CD2AP: variants seen among roughly 807,000 people sequenced by gnomAD.
CD2AP encodes the protein CD2 associated protein.
CD2AP carries 46 observed loss-of-function variants against 85.1 expected under a neutral mutation model. The observed-to-expected ratio is 0.54, with a 90% confidence interval of 0.43 to 0.69. The LOEUF is 0.69. CD2AP is among the 30% of genes least tolerant of loss of function. The pLI, the probability that CD2AP is intolerant of heterozygous loss-of-function variation, is 0.00. For missense variants in CD2AP, 769 were observed against 729.5 expected, an observed-to-expected ratio of 1.05 and a Z score of -0.62; for synonymous variants, 255 against 252.9, an observed-to-expected ratio of 1.01 and a Z score of -0.08.
chr6:47,589,080 A>T (rs1768705546), intron 11 of CD2AP, among the ~76,000 whole-genome samples: 2 of 152,200 alleles, frequency 1.3e-5, no homozygotes, highest in East Asian at 1.9e-4. Flanking sequence ...GACTAATGAG[A>T]TACTAATGAT....
At chr6:47,589,839 A>G (rs1768744716) in intron 11 of CD2AP, among the ~76,000 whole-genome samples, 1 of 152,046 alleles carries the variant, frequency 6.6e-6, no homozygotes. Context: ...GTTTTGATTT[A>G]GTTCCTAAAG....
At chr6:47,500,799 T>G (rs1765978608) in intron 1 of CD2AP, among the ~76,000 whole-genome samples, 1 of 151,626 alleles carries the variant, frequency 6.6e-6, no homozygotes. Flanking sequence ...CAGGCTGGTG[T>G]GCAGTGGCAC....
At chr6:47,489,141 C>T (rs1342913891) in intron 1 of CD2AP, 1 of 146,192 alleles carries the variant, frequency 6.8e-6, no homozygotes, top group Non-Finnish European at 1.5e-5. Context: ...CTCTTCCCTG[C>T]TTTTCATTAC....
chr6:47,589,379 T>TATACACACACACACACACACATACAC (rs144886557), intron 11 of CD2AP, among the ~76,000 whole-genome samples: 1 of 139,384 alleles, frequency 7.2e-6, no homozygotes, highest in Non-Finnish European at 1.6e-5. Flanking sequence ...CTCTTGAATA[T>TATACACACACACACACACACATACAC]ACACACACAC....
At chr6:47,484,448 T>A (rs1469824900) in intron 1 of CD2AP, among the ~76,000 whole-genome samples, 1 of 152,180 alleles carries the variant, frequency 6.6e-6, no homozygotes, top group Non-Finnish European at 1.5e-5. Flanking sequence ...TGAACCCTAT[T>A]TGATTTACTG....
intron 17 of CD2AP, among the ~76,000 whole-genome samples, chr6:47,613,506 T>A (rs1769501024): frequency 7.2e-6 from 1 of 139,542 alleles, no homozygotes; most frequent in South Asian, 2.2e-4. Context: ...TTAAAAATAA[T>A]CCTTTTTTTT....
At chr6:47,503,174 T>G in intron 1 of CD2AP, 106 bp from the exon 2 acceptor site, 2 of 1,083,784 alleles carry the variant, frequency 1.8e-6, no homozygotes, top group Non-Finnish European at 2.7e-6. Context: ...CTTTGTGGTA[T>G]TAAATATTGT....
At chr6:47,610,336 A>G (rs1769396525) in intron 16 of CD2AP, among the ~76,000 whole-genome samples, 1 of 152,204 alleles carries the variant, frequency 6.6e-6, no homozygotes, top group South Asian at 2.1e-4. Flanking sequence ...TCTAATTGAA[A>G]TGAGAGTGAG....
rs76704002 is a variant in CD2AP, at chr6:47,559,257, A to ATT, written c.541+4508_541+4509dup. 2.3e-4 allele frequency among the ~76,000 whole-genome samples: 30 copies of ATT among 130,620 alleles called. No homozygotes were observed. The East Asian group carries it at 3.1e-3, about 14-fold the overall frequency. 85.7% of individuals were successfully genotyped at this position (130,620 alleles called of 152,430 possible). A position where few individuals can be genotyped will look rare whatever the true frequency, so the allele number is the denominator to read the frequency against. On this transcript the variant is annotated intron_variant, in intron 5 of 17. Transcript: ENST00000359314. ...GCTAACGGTCTCTCTGTTTCGTGCA[A>ATT]TTTTTTTTTTTTTTTTTTAACAGGC...
At chr6:47,542,116 A>G (rs977195566) in intron 3 of CD2AP, among the ~76,000 whole-genome samples, 14 of 152,012 alleles carry the variant, frequency 9.2e-5, no homozygotes, top group African/African-American at 3.4e-4. Flanking sequence ...TCCAGTTCAA[A>G]CCTGTCCTTT....
intron 1 of CD2AP, among the ~76,000 whole-genome samples, chr6:47,500,829 C>T (rs964151971): frequency 6.6e-6 from 1 of 152,000 alleles, no homozygotes; most frequent in African/African-American, 2.4e-5. Flanking sequence ...TCACTGCAAC[C>T]TCCGCCTCCC....
intron 17 of CD2AP, among the ~76,000 whole-genome samples, chr6:47,622,775 C>A (rs558231176): frequency 6.6e-6 from 1 of 152,138 alleles, no homozygotes; most frequent in Non-Finnish European, 1.5e-5. Flanking sequence ...TTCTTGCAGT[C>A]GGTCTGGAGT....
intron 3 of CD2AP, among the ~76,000 whole-genome samples, chr6:47,544,110 TGA>T (rs67196948): frequency 0.32 from 48,195 of 152,040 alleles, 8,679 homozygotes; most frequent in Middle Eastern, 0.52. Flanking sequence ...TTCAAATAAA[TGA>T]GTTTCATTTT....
intron 2 of CD2AP, among the ~76,000 whole-genome samples, chr6:47,520,122 G>T (rs1766546299): frequency 6.6e-6 from 1 of 151,796 alleles, no homozygotes; most frequent in African/African-American, 2.4e-5. Context: ...CTTTGGAATG[G>T]AAAAAAGGTA....
intron 1 of CD2AP, among the ~76,000 whole-genome samples, chr6:47,497,909 A>G (rs185361277): frequency 5.9e-5 from 9 of 152,284 alleles, no homozygotes; most frequent in Middle Eastern, 6.8e-3. Context: ...CGTTTAGTAT[A>G]GACTGTTTGT....
chr6:47,515,818 G>C (rs1474302815), intron 2 of CD2AP, among the ~76,000 whole-genome samples: 2 of 151,462 alleles, frequency 1.3e-5, no homozygotes, highest in African/African-American at 2.4e-5. Context: ...AAATCAAACT[G>C]TTTCTCAAAT....
chr6:47,559,191 C>G (rs754887917), intron 5 of CD2AP, among the ~76,000 whole-genome samples: 4 of 151,138 alleles, frequency 2.6e-5, no homozygotes, highest in Non-Finnish European at 2.9e-5. Context: ...CATTTTTTAT[C>G]CATGTCTATT....
At chr6:47,618,803 A>C (rs916534467) in intron 17 of CD2AP, among the ~76,000 whole-genome samples, 1 of 152,184 alleles carries the variant, frequency 6.6e-6, no homozygotes, top group Non-Finnish European at 1.5e-5. Flanking sequence ...TTTTTCTAGC[A>C]AAGTGAGCTG....
intron 8 of CD2AP, among the ~76,000 whole-genome samples, chr6:47,577,742 C>T (rs909161935): frequency 6.6e-6 from 1 of 151,706 alleles, no homozygotes; most frequent in Non-Finnish European, 1.5e-5. Context: ...CTGCCCCCCA[C>T]CCCCAACCTT....
Sources: allele counts gnomAD v4.1 joint callset (sites outside exome capture counted in the v4.1 genomes callset), GRCh38; gene constraint gnomAD v4.1.1; transcripts MANE v1.5; gene names NCBI Gene and HGNC (gene_info 2026-07-23, HGNC 2026-07-21).